The following RUNDC3B variants were observed in gnomAD, a reference collection of about 807,000 sequenced individuals.
RUNDC3B encodes RUN domain containing 3B.
A neutral mutation model predicts 58.4 loss-of-function variants in RUNDC3B; 33 were observed. The observed-to-expected ratio is 0.56, with a 90% CI of 0.43 to 0.75. The LOEUF (loss-of-function observed/expected upper bound fraction) is 0.75, where lower values mean the gene tolerates loss of function less well. RUNDC3B is among the 30% of genes least tolerant of loss of function. The pLI is 0.00. For missense variants in RUNDC3B, 501 were observed against 535.7 expected (o/e 0.94, Z 0.64); for synonymous variants, 193 against 195.2 (o/e 0.99, Z 0.10).
chr7:87,668,204 C>T (rs1043383881), intron 2 of RUNDC3B, among the ~76,000 whole-genome samples: 1 of 151,466 alleles, frequency 6.6e-6, no homozygotes, highest in Non-Finnish European at 1.5e-5. Context: ...TTCTTCCTGG[C>T]TCTGTCTTGA....
chr7:87,740,267 G>T (rs192526388), intron 5 of RUNDC3B, among the ~76,000 whole-genome samples: 1 of 151,812 alleles, frequency 6.6e-6, no homozygotes, highest in Non-Finnish European at 1.5e-5. Context: ...ATTATCTCAC[G>T]TGTTGAGATA....
chr7:87,721,686 A>C (rs988338723), intron 4 of RUNDC3B, among the ~76,000 whole-genome samples: 1 of 152,086 alleles, frequency 6.6e-6, no homozygotes, highest in Admixed American at 6.6e-5. Flanking sequence ...TTTTTATTGC[A>C]CTTTCTAAGA....
At chr7:87,772,762 A>G (rs76402908) in intron 7 of RUNDC3B, among the ~76,000 whole-genome samples, 4,061 of 152,286 alleles carry the variant, frequency 0.027, 176 homozygotes, top group African/African-American at 0.091. Context: ...TATAACCAGA[A>G]GAGTCAACAC....
intron 4 of RUNDC3B, among the ~76,000 whole-genome samples, chr7:87,724,120 G>A (rs1831071592): frequency 6.6e-6 from 1 of 152,074 alleles, no homozygotes; most frequent in South Asian, 2.1e-4. Flanking sequence ...CTACTCAAGA[G>A]GCTGAAGTGG....
At chr7:87,691,887 T>C (rs1308867342) in intron 2 of RUNDC3B, among the ~76,000 whole-genome samples, 1 of 152,182 alleles carries the variant, frequency 6.6e-6, no homozygotes, top group Non-Finnish European at 1.5e-5. Flanking sequence ...GCCTTGTCTC[T>C]GGGCCTACCT....
chr7:87,699,867 G>T (rs1471923799), intron 2 of RUNDC3B, among the ~76,000 whole-genome samples: 2 of 152,218 alleles, frequency 1.3e-5, no homozygotes, highest in Non-Finnish European at 2.9e-5. Flanking sequence ...GATGAGAATG[G>T]TTGGGTAGGT....
intron 6 of RUNDC3B, among the ~76,000 whole-genome samples, chr7:87,743,653 A>G (rs1832477466): frequency 6.6e-6 from 1 of 151,510 alleles, no homozygotes; most frequent in South Asian, 2.1e-4. Flanking sequence ...CCACTTTTTG[A>G]TGGGATTGTT....
Position 87,688,637 on chromosome 7 carries a change from T to G in RUNDC3B, c.239-11784T>G, listed in dbSNP as rs1317995100. On this transcript the variant is annotated intron_variant, in intron 2 of 10. Coordinates refer to ENST00000394654, the MANE Select transcript of RUNDC3B (RefSeq NM_001134405.2). ...TACATGATTACTGTTGGTAGTTTGT[T>G]ATTTTGTACTTATTTTTCATTTGAG... Among the ~76,000 whole-genome samples the G allele has an allele frequency of 2.0e-5, 3 of 151,960 alleles. No individual in the cohort carries two copies. The East Asian group carries it at 5.8e-4, about 29-fold the overall frequency.
intron 8 of RUNDC3B, among the ~76,000 whole-genome samples, chr7:87,793,639 TA>T (rs1408916078): frequency 6.6e-6 from 1 of 152,028 alleles, no homozygotes; most frequent in Non-Finnish European, 1.5e-5. Flanking sequence ...CTTCATGATT[TA>T]AAAAAACACT....
At chr7:87,686,988 A>G (rs577866726) in intron 2 of RUNDC3B, among the ~76,000 whole-genome samples, 3 of 151,910 alleles carry the variant, frequency 2.0e-5, no homozygotes, top group Admixed American at 1.3e-4. Flanking sequence ...AAAGCTGAGT[A>G]TACCAGACAA....
At chr7:87,762,205 T>C (rs1360759988) in intron 6 of RUNDC3B, among the ~76,000 whole-genome samples, 2 of 151,704 alleles carry the variant, frequency 1.3e-5, no homozygotes, top group African/African-American at 2.4e-5. Flanking sequence ...ACATGCTTTT[T>C]CTGCATCTAT....
intron 2 of RUNDC3B, among the ~76,000 whole-genome samples, chr7:87,675,594 C>A (rs1002412915): frequency 9.1e-6 from 1 of 109,626 alleles, no homozygotes; most frequent in African/African-American, 3.7e-5. Flanking sequence ...CAAGAGTACA[C>A]AATAGGGAAA....
rs148496694 is a variant in RUNDC3B at position 87,787,560 on chromosome 7, T to C, written c.956+9605T>C. 1.5e-3 allele frequency among the ~76,000 whole-genome samples: 223 copies of C among 152,312 alleles called. 5 individuals carry two copies. Among genetic ancestry groups the C allele is most frequent in the Admixed American group, 9.0e-3 (137 of 15,296 alleles). On this transcript the variant is annotated intron_variant, in intron 8 of 10. Coordinates refer to ENST00000394654, the MANE Select transcript of RUNDC3B (RefSeq NM_001134405.2). ...TATGTCGTTGAATACTCATAAAATATATACATTTTGTAGTTTGGGCAACAG... is the reference window on the plus strand; with the variant it reads ...TATGTCGTTGAATACTCATAAAATACATACATTTTGTAGTTTGGGCAACAG...
At chr7:87,635,268 T>C (rs1211171929) in intron 1 of RUNDC3B, among the ~76,000 whole-genome samples, 1 of 152,188 alleles carries the variant, frequency 6.6e-6, no homozygotes, top group Non-Finnish European at 1.5e-5. Context: ...TACCCAGTTG[T>C]ATATTGGAAA....
chr7:87,636,780 A>G (rs1327408120), intron 1 of RUNDC3B, among the ~76,000 whole-genome samples: 1 of 152,188 alleles, frequency 6.6e-6, no homozygotes, highest in Non-Finnish European at 1.5e-5. Flanking sequence ...CTGACCTAGT[A>G]CCATTTATTG....
At chr7:87,696,250 A>G (rs1313735120) in intron 2 of RUNDC3B, among the ~76,000 whole-genome samples, 1 of 152,256 alleles carries the variant, frequency 6.6e-6, no homozygotes, top group East Asian at 1.9e-4. Context: ...GTTTCTTGCT[A>G]TATGATTGTC....
intron 4 of RUNDC3B, among the ~76,000 whole-genome samples, chr7:87,734,893 T>A (rs1484263004): frequency 6.6e-6 from 1 of 152,188 alleles, no homozygotes; most frequent in African/African-American, 2.4e-5. Context: ...CCTTAATCGC[T>A]CTGTCTCTTT....
At chr7:87,795,928 C>T (rs1387828732) in intron 8 of RUNDC3B, among the ~76,000 whole-genome samples, 1 of 151,962 alleles carries the variant, frequency 6.6e-6, no homozygotes, top group Non-Finnish European at 1.5e-5. Flanking sequence ...AATGTTACCC[C>T]ATATGATCCA....
At chr7:87,702,951 A>G (rs1394211901) in intron 3 of RUNDC3B, among the ~76,000 whole-genome samples, 1 of 152,096 alleles carries the variant, frequency 6.6e-6, no homozygotes, top group African/African-American at 2.4e-5. Flanking sequence ...AACTCACTCA[A>G]CTCAGGTATC....
Sources: gnomAD v4.1 joint callset for allele counts (sites outside exome capture counted in the v4.1 genomes callset) on GRCh38, gnomAD v4.1.1 for gene constraint, MANE v1.5 for transcripts, NCBI Gene and HGNC (gene_info 2026-07-23, HGNC 2026-07-21) for gene names.